The following PRR14L variants were observed in gnomAD, a reference collection of about 807,000 sequenced individuals.
PRR14L encodes the protein proline rich 14 like.
PRR14L carries 80 observed loss-of-function variants against 155.0 expected under a neutral mutation model. The observed-to-expected ratio is 0.52, with a 90% CI of 0.43 to 0.62. The LOEUF is 0.62. PRR14L is among the 20% of genes least tolerant of loss of function. PRR14L has a pLI of 0.00. For synonymous variants in PRR14L, 883 were observed against 916.0 expected, an observed-to-expected ratio of 0.96 and a Z score of 0.65; for missense variants, 2,469 against 2,548.0, an observed-to-expected ratio of 0.97 and a Z score of 0.67.
chr22:31,693,604 T>C (rs957760946), intron 7 of PRR14L, among the ~76,000 whole-genome samples: 18 of 152,220 alleles, frequency 1.2e-4, no homozygotes, highest in African/African-American at 4.3e-4. Context: ...AGCTGCTGTA[T>C]GGTATGGTAT....
chr22:31,748,955 C>G (rs1395231194), intron 1 of PRR14L, among the ~76,000 whole-genome samples: 1 of 152,134 alleles, frequency 6.6e-6, no homozygotes, highest in Non-Finnish European at 1.5e-5. Context: ...GAGTCTTCCA[C>G]TCCAGTGAGA....
Position 31,716,538 on chromosome 22 carries a change from G to C in PRR14L, c.1301C>G (p.Pro434Arg). ...ISGRCSGEKE[P>R]VVSPKENIHN... ...GATATTTTCCTTTGGAGAAACAACA[G>C]GCTCTTTTTCACCAGAACAACGACC... is the stretch of plus-strand genomic sequence containing the variant. The change falls in exon 4 of 9, where the codon CCT becomes CGT. Residue 434 changes from proline to arginine, a missense_variant. This residue lies in a region of PRR14L where 2,363 missense variants were observed against 2,371.6 expected (regional missense o/e 1.00). Coordinates refer to ENST00000327423, the MANE Select transcript of PRR14L (RefSeq NM_173566.3). 1.3e-6 allele frequency: 2 copies of C among 1,546,312 alleles called. No individual in the cohort carries two copies. The highest frequency in any genetic ancestry group is 1.7e-6 in the Non-Finnish European group (2 of 1,145,690).
At position 31,685,731 on chromosome 22, in the gene PRR14L, C is replaced by T; in HGVS notation, c.6252G>A (p.Arg2084=). 6.4e-7 allele frequency: 1 copy of T among 1,551,640 alleles called. No individual in the cohort carries two copies. The highest frequency in any genetic ancestry group is 8.7e-7 in the Non-Finnish European group (1 of 1,146,968). The change falls in exon 9 of 9, where the codon AGG becomes AGA. Residue 2084 remains arginine, a synonymous_variant. Transcript: ENST00000327423. ...GTLISISQQK[R]KRVLEFQDFT... ...AATCCTGAAATTCTAGAACTCGCTTCCTCTTCTGTTGGCTGATTGAGATTA... is the reference window on the plus strand; with the variant it reads ...AATCCTGAAATTCTAGAACTCGCTTTCTCTTCTGTTGGCTGATTGAGATTA...
chr22:31,688,193 A>G lies in PRR14L; in HGVS notation c.6142T>C (p.Tyr2048His). The change falls in exon 8 of 9, where the codon TAT becomes CAT. Residue 2048 changes from tyrosine (Y) to histidine (H), a missense_variant. Tyr to His is a moderately conservative substitution (Grantham distance 83). Around this residue, in one of 2 missense-constraint regions of PRR14L, gnomAD observed 106 missense variants for 176.4 expected, o/e 0.60. Transcript: ENST00000327423. ...KKKEFSLEEI[Y>H]TNKNYKSPPA... ...GGAGATTTATAATTCTTGTTGGTAT[A>G]TATCTCTTCTAAACTAAACTCCTTC... The G allele has an allele frequency of 6.2e-7, 1 of 1,604,738 alleles. No individual in the cohort carries two copies. The highest frequency in any genetic ancestry group is 1.3e-5 in the African/African-American group (1 of 74,596).
At chr22:31,692,325 A>G (rs1229882953) in intron 7 of PRR14L, among the ~76,000 whole-genome samples, 1 of 151,954 alleles carries the variant, frequency 6.6e-6, no homozygotes, top group Non-Finnish European at 1.5e-5. Context: ...CACCCTTACT[A>G]CACTTATTTT....
chr22:31,746,521 A>T (rs2074838604), intron 1 of PRR14L, among the ~76,000 whole-genome samples: 1 of 152,212 alleles, frequency 6.6e-6, no homozygotes, highest in Non-Finnish European at 1.5e-5. Context: ...TTGGGTGAGG[A>T]TACCAGATAA....
intron 1 of PRR14L, among the ~76,000 whole-genome samples, chr22:31,741,004 A>T (rs747118886): frequency 7.9e-5 from 12 of 152,080 alleles, no homozygotes; most frequent in Non-Finnish European, 1.3e-4. Flanking sequence ...CTGTAATCCC[A>T]GCACTTTGGG....
chr22:31,748,648 G>C (rs886341867), intron 1 of PRR14L, among the ~76,000 whole-genome samples: 7 of 147,684 alleles, frequency 4.7e-5, no homozygotes, highest in East Asian at 3.9e-4. Flanking sequence ...CGCCCACTTG[G>C]GGGGGTGGGA....
At chr22:31,744,330 T>C (rs2074827085) in intron 1 of PRR14L, among the ~76,000 whole-genome samples, 1 of 152,152 alleles carries the variant, frequency 6.6e-6, no homozygotes, top group East Asian at 1.9e-4. Flanking sequence ...ATGGGGTTTC[T>C]CTATGTTGGT....
intron 2 of PRR14L, among the ~76,000 whole-genome samples, chr22:31,727,661 G>C (rs1281158742): frequency 6.6e-6 from 1 of 152,130 alleles, no homozygotes; most frequent in Non-Finnish European, 1.5e-5. Context: ...TACAAGGTTT[G>C]TGTTAATCTG....
rs929317479 is a variant in PRR14L, at chr22:31,713,669, C to G, written c.4170G>C (p.Gln1390His). The G allele has an allele frequency of 6.4e-7, 1 of 1,551,932 alleles. No individual in the cohort carries two copies. Among genetic ancestry groups the G allele is most frequent in the African/African-American group, 1.4e-5 (1 of 73,032 alleles). ...ACATGTAGTCCAAAACCTCAGGGCTCTGCTGTTTTTCAGCATGATTAAGTA... is the reference window on the plus strand; with the variant it reads ...ACATGTAGTCCAAAACCTCAGGGCTGTGCTGTTTTTCAGCATGATTAAGTA... Reference protein sequence around the residue: ...RGILNHAEKQQSPEVLDYMLQ... With the variant: ...RGILNHAEKQHSPEVLDYMLQ... The change falls in exon 4 of 9, where the codon CAG (glutamine) becomes CAC (histidine). Residue 1390 changes from glutamine (Q) to histidine (H), a missense_variant. By Grantham distance (24) the Gln-to-His change is conservative. This residue lies in a region of PRR14L where 2,363 missense variants were observed against 2,371.6 expected (regional missense o/e 1.00). Transcript: ENST00000327423.
intron 2 of PRR14L, among the ~76,000 whole-genome samples, chr22:31,733,560 C>G (rs1252723503): frequency 6.6e-6 from 1 of 152,038 alleles, no homozygotes; most frequent in East Asian, 1.9e-4. Context: ...CCGCCTCGGC[C>G]CCCCGAAGCG....
chr22:31,748,446 GA>G (rs1376753974), intron 1 of PRR14L, among the ~76,000 whole-genome samples: 1 of 45,038 alleles, frequency 2.2e-5, no homozygotes, highest in Non-Finnish European at 3.6e-5. Context: ...CGTAAGGAGT[GA>G]AACTGGAAAA....
At chr22:31,704,505 G>A (rs2147858539) in intron 5 of PRR14L, 150 bp downstream of exon 5, 1 of 467,438 alleles carries the variant, frequency 2.1e-6, no homozygotes, top group East Asian at 3.4e-5. Flanking sequence ...TTCAATCTCA[G>A]AAATGTTTAT....
intron 1 of PRR14L, among the ~76,000 whole-genome samples, chr22:31,743,838 C>T (rs80321930): frequency 0.015 from 2,253 of 151,776 alleles, 57 homozygotes; most frequent in African/African-American, 0.052. Context: ...TGACCCCAAC[C>T]TTTCTTTCAA....
intron 1 of PRR14L, among the ~76,000 whole-genome samples, chr22:31,742,087 A>G (rs2074816271): frequency 6.6e-6 from 1 of 152,154 alleles, no homozygotes; most frequent in Non-Finnish European, 1.5e-5. Context: ...AATTTGGTTC[A>G]GTTTTCCTTT....
At chr22:31,725,197 C>G (rs2074709987) in intron 3 of PRR14L, among the ~76,000 whole-genome samples, 1 of 152,030 alleles carries the variant, frequency 6.6e-6, no homozygotes, top group Non-Finnish European at 1.5e-5. Flanking sequence ...GAGTTCGAGA[C>G]CAGCCTAGGC....
intron 5 of PRR14L, 62 bp from the exon 6 acceptor site, chr22:31,703,783 A>ACTT: frequency 9.4e-7 from 1 of 1,064,168 alleles, no homozygotes; most frequent in Non-Finnish European, 1.3e-6. Context: ...AGCACATTCA[A>ACTT]CTTCTTCTTC....
At position 31,684,457 on chromosome 22, in the gene PRR14L, C is replaced by T. The variant is rs576410227; in HGVS notation, c.*1070G>A. 1 of 152,196 alleles carries T rather than the reference C, an allele frequency of 6.6e-6. No homozygotes were observed. Among genetic ancestry groups the T allele is most frequent in the Admixed American group, 6.5e-5 (1 of 15,276 alleles). The allele number at this position is 152,196 out of a possible 1,614,324, so 9.4% of individuals were successfully genotyped here. On this transcript the variant is annotated 3_prime_UTR_variant, in exon 9 of 9. Coordinates refer to ENST00000327423, the MANE Select transcript of PRR14L (RefSeq NM_173566.3). ...CAAGCCGTTGTACTCAATTTTGTTA[C>T]CTAACACCATTTCAGATAAAAACCA...
Sources: allele counts gnomAD v4.1 joint callset (sites outside exome capture counted in the v4.1 genomes callset), GRCh38; gene constraint gnomAD v4.1.1; regional missense constraint gnomAD v4.1.1; transcripts MANE v1.5; gene names NCBI Gene and HGNC (gene_info 2026-07-23, HGNC 2026-07-21).